The following TRIM55 variants were observed in gnomAD, a reference collection of about 807,000 sequenced individuals.
TRIM55 encodes the protein tripartite motif containing 55.
Under a neutral mutation model 60.9 loss-of-function variants are expected in TRIM55, and 50 were observed. The observed-to-expected ratio is 0.82, with a 90% confidence interval of 0.65 to 1.04. The LOEUF (loss-of-function observed/expected upper bound fraction) is 1.04, where lower values mean the gene tolerates loss of function less well. Ranked by LOEUF, TRIM55 falls within the 50% of genes least tolerant of loss-of-function variation. The pLI is 0.00. For missense variants in TRIM55, 681 were observed against 666.9 expected (o/e 1.02, Z -0.23); for synonymous variants, 237 against 238.1 (o/e 1.00, Z 0.04).
chr8:66,132,268 T>C (rs111979189), intron 2 of TRIM55, among the ~76,000 whole-genome samples: 2,585 of 152,164 alleles, frequency 0.017, 83 homozygotes, highest in African/African-American at 0.059. Flanking sequence ...CTGACCAACA[T>C]GGTGAAACTC....
At chr8:66,153,207 C>T (rs528353647) in intron 8 of TRIM55, among the ~76,000 whole-genome samples, 3 of 152,242 alleles carry the variant, frequency 2.0e-5, no homozygotes, top group African/African-American at 7.2e-5. Flanking sequence ...AGTGAGCAAA[C>T]AATGAAGCCT....
intron 3 of TRIM55, among the ~76,000 whole-genome samples, chr8:66,135,704 A>G (rs1260913270): frequency 6.6e-6 from 1 of 152,150 alleles, no homozygotes; most frequent in African/African-American, 2.4e-5. Flanking sequence ...TCCTGTCACC[A>G]GGGCCAGTTG....
At chr8:66,161,927 A>G (rs903636258) in intron 9 of TRIM55, among the ~76,000 whole-genome samples, 1 of 151,992 alleles carries the variant, frequency 6.6e-6, no homozygotes, top group Non-Finnish European at 1.5e-5. Flanking sequence ...TGGATGAGTC[A>G]TTAGGATTTT....
At chr8:66,129,223 C>T (rs898527167) in intron 2 of TRIM55, among the ~76,000 whole-genome samples, 3 of 152,132 alleles carry the variant, frequency 2.0e-5, no homozygotes, top group Non-Finnish European at 4.4e-5. Flanking sequence ...TTCACCAAAC[C>T]ACATTGGCTA....
intron 4 of TRIM55, among the ~76,000 whole-genome samples, chr8:66,140,212 G>C (rs1227361749): frequency 2.0e-5 from 3 of 152,196 alleles, no homozygotes; most frequent in Non-Finnish European, 2.9e-5. Context: ...AGCAACCCGT[G>C]ACTGTGGATA....
intron 9 of TRIM55, among the ~76,000 whole-genome samples, chr8:66,167,635 G>A (rs764646064): frequency 4.6e-5 from 7 of 152,206 alleles, no homozygotes; most frequent in East Asian, 1.9e-4. Context: ...TCTCATTTCC[G>A]ATTTTCTCTT....
rs756179394 is a variant in TRIM55 at position 66,150,368 on chromosome 8, A to T, written c.887A>T (p.Gln296Leu). 7.4e-6 allele frequency: 12 copies of T among 1,614,134 alleles called. No individual in the cohort carries two copies. Among genetic ancestry groups the T allele is most frequent in the Non-Finnish European group, 8.5e-6 (10 of 1,180,048 alleles). Residue 296 changes from glutamine (Q) to leucine (L), a missense_variant, in exon 7 of 10, where the codon CAG becomes CTG. Physicochemically the swap from Gln to Leu is moderately radical, Grantham distance 113. Transcript: ENST00000315962. ...ATCTCGGAAGCATCAAAGGCATTTCAGATGGAGAAAATAGAACATGGCTAT... is the reference window on the plus strand; with the variant it reads ...ATCTCGGAAGCATCAAAGGCATTTCTGATGGAGAAAATAGAACATGGCTAT... ...KKISEASKAF[Q>L]MEKIEHGYEN...
At chr8:66,156,927 G>A (rs1456330557) in intron 9 of TRIM55, among the ~76,000 whole-genome samples, 1 of 152,214 alleles carries the variant, frequency 6.6e-6, no homozygotes, top group African/African-American at 2.4e-5. Context: ...GACATTATCT[G>A]TGGTAAAAAG....
rs763066746 is a variant in TRIM55 at position 66,152,616 on chromosome 8, C to T, written c.1225C>T (p.Pro409Ser). 1 of 1,613,918 alleles carries T rather than the reference C, an allele frequency of 6.2e-7. No homozygotes were observed. The highest frequency in any genetic ancestry group is 2.2e-5 in the East Asian group (1 of 44,870). ...AGCCCTGCCACCTGCTGCGGATGCC[C>T]CTGTGACACAGGTAACCCCTCCTGA... ...PPALPPAADA[P>S]VTQGEVVPTG... Residue 409 changes from proline to serine, a missense_variant, in exon 8 of 10, where the codon CCT becomes TCT. By Grantham distance (74) the Pro-to-Ser change is moderately conservative. Coordinates refer to ENST00000315962, the MANE Select transcript of TRIM55 (RefSeq NM_184085.2).
At chr8:66,125,087 C>T (rs1338930831), upstream of TRIM55, among the ~76,000 whole-genome samples, 1 of 152,172 alleles carries the variant, frequency 6.6e-6, no homozygotes, top group Non-Finnish European at 1.5e-5. Context: ...TCTTATCTAC[C>T]CACAACTGAA....
intron 9 of TRIM55, among the ~76,000 whole-genome samples, chr8:66,163,998 CAAGAT>C (rs1352966571): frequency 6.6e-6 from 1 of 150,782 alleles, no homozygotes; most frequent in Non-Finnish European, 1.5e-5. Context: ...GAATTGATTC[CAAGAT>C]AAGTGTTTTT....
chr8:66,122,523 C>T (rs985949068), upstream of TRIM55, among the ~76,000 whole-genome samples: 1 of 152,142 alleles, frequency 6.6e-6, no homozygotes, highest in Non-Finnish European at 1.5e-5. Flanking sequence ...GGCCGTGTCA[C>T]AGGCATGCAT....
At chr8:66,121,766 C>T in the TRIM55 span, among the ~76,000 whole-genome samples, 2 of 152,222 alleles carry the variant, frequency 1.3e-5, no homozygotes, top group Non-Finnish European at 1.5e-5. Flanking sequence ...ATCACTGAAT[C>T]TATTCTGGTT....
chr8:66,154,374 C>T lies in TRIM55; in HGVS notation c.1524+40C>T, dbSNP rs776558809. 3.4e-5 allele frequency: 54 copies of T among 1,596,526 alleles called. 1 individual carries two copies. The Middle Eastern group carries it at 6.9e-4, about 20-fold the overall frequency. On this transcript the variant is annotated intron_variant, in intron 9 of 9. Transcript: ENST00000315962. ...ACTTGTGTCTATGCTTTCCCGCGCC[C>T]CCTAGGGTCCCACTGGAACAGGCCA...
At chr8:66,118,779 G>A in the TRIM55 span, among the ~76,000 whole-genome samples, 2 of 152,192 alleles carry the variant, frequency 1.3e-5, no homozygotes, top group African/African-American at 4.8e-5. Context: ...TGATAACAGA[G>A]CCTGGTGCTT....
chr8:66,143,749 C>T (rs1027974689), intron 4 of TRIM55, among the ~76,000 whole-genome samples: 3 of 152,006 alleles, frequency 2.0e-5, no homozygotes, highest in African/African-American at 7.3e-5. Context: ...CTATATTTCT[C>T]GAGGGTGCAT....
At position 66,175,357 on chromosome 8, in the gene TRIM55, C is replaced by A. The variant is rs1220418230; in HGVS notation, c.*764C>A. On this transcript the variant is annotated 3_prime_UTR_variant, in exon 10 of 10. Transcript: ENST00000315962. ...AATTGCATGTGTTTAAATATATATA[C>A]AAACATATCACACATTAAATATATA... 1 of 152,128 alleles carries A rather than the reference C, an allele frequency of 6.6e-6. No individual in the cohort carries two copies. The highest frequency in any genetic ancestry group is 1.5e-5 in the Non-Finnish European group (1 of 68,016). 9.4% of individuals were successfully genotyped at this position (152,128 alleles called of 1,614,324 possible). A position where few individuals can be genotyped will look rare whatever the true frequency, so the allele number is the denominator to read the frequency against.
At chr8:66,122,107 A>G (rs1808654892), upstream of TRIM55, among the ~76,000 whole-genome samples, 1 of 152,184 alleles carries the variant, frequency 6.6e-6, no homozygotes, top group African/African-American at 2.4e-5. Context: ...TGGAGAAAAA[A>G]GAATGCAGAG....
At chr8:66,114,261 A>C in the TRIM55 span, among the ~76,000 whole-genome samples, 1 of 152,144 alleles carries the variant, frequency 6.6e-6, no homozygotes, top group Non-Finnish European at 1.5e-5. Flanking sequence ...CGCATCCTCC[A>C]GTTTTCCTTC....
Sources: allele counts gnomAD v4.1 joint callset (sites outside exome capture counted in the v4.1 genomes callset), GRCh38; gene constraint gnomAD v4.1.1; transcripts MANE v1.5; gene names NCBI Gene and HGNC (gene_info 2026-07-23, HGNC 2026-07-21).